Variants in NR6A1 observed in about 807,000 individuals in gnomAD.
The protein encoded by NR6A1 is retinoic acid receptor-related testis-associated receptor.
In NR6A1, 7 loss-of-function variants were observed where a neutral mutation model predicts 59.1. The ratio of observed to expected loss-of-function variants is 0.12; its 90% CI spans 0.07 to 0.22. The LOEUF (loss-of-function observed/expected upper bound fraction) is 0.22, where lower values mean the gene tolerates loss of function less well. Ranked by LOEUF, NR6A1 falls within the 10% of genes least tolerant of loss-of-function variation. The pLI is 1.00. For synonymous variants in NR6A1, 243 were observed against 236.1 expected, an observed-to-expected ratio of 1.03 and a Z score of -0.27; for missense variants, 468 against 611.6, an observed-to-expected ratio of 0.77 and a Z score of 2.48.
chr9:124,674,363 G>C (rs185226494), intron 2 of NR6A1, among the ~76,000 whole-genome samples: 2 of 152,100 alleles, frequency 1.3e-5, no homozygotes, highest in Non-Finnish European at 2.9e-5. Context: ...AGCAATTAAC[G>C]CTATGAAGCT....
At chr9:124,591,365 G>C (rs1406312881) in intron 2 of NR6A1, among the ~76,000 whole-genome samples, 1 of 152,110 alleles carries the variant, frequency 6.6e-6, no homozygotes, top group Non-Finnish European at 1.5e-5. Context: ...GAGGTTCATA[G>C]AGGTCAAGTG....
At chr9:124,553,296 C>T (rs1833828254) in intron 3 of NR6A1, among the ~76,000 whole-genome samples, 1 of 152,182 alleles carries the variant, frequency 6.6e-6, no homozygotes, top group Admixed American at 6.6e-5. Context: ...TCTAAGCTCT[C>T]TCTGTGGGTG....
intron 3 of NR6A1, among the ~76,000 whole-genome samples, chr9:124,544,686 A>G (rs1460698883): frequency 6.6e-6 from 1 of 152,194 alleles, no homozygotes; most frequent in Non-Finnish European, 1.5e-5. Flanking sequence ...GGAATTTCCA[A>G]GCGGCTTAAT....
chr9:124,568,790 G>A (rs963060137), intron 2 of NR6A1, among the ~76,000 whole-genome samples: 1 of 151,832 alleles, frequency 6.6e-6, no homozygotes, highest in African/African-American at 2.4e-5. Context: ...GGTGGGGGAA[G>A]AGAAGGATGG....
intron 2 of NR6A1, among the ~76,000 whole-genome samples, chr9:124,681,897 CA>C (rs1413377990): frequency 2.0e-5 from 3 of 152,108 alleles, no homozygotes; most frequent in Non-Finnish European, 4.4e-5. Flanking sequence ...GCAAGATAGA[CA>C]AATGAATTTT....
intron 1 of NR6A1, among the ~76,000 whole-genome samples, chr9:124,756,323 A>G (rs914398270): frequency 9.9e-5 from 15 of 152,196 alleles, no homozygotes; most frequent in Admixed American, 2.0e-4. Context: ...TTTCTTATTA[A>G]AGAGCATTAT....
At chr9:124,603,432 A>G (rs1835498657) in intron 2 of NR6A1, among the ~76,000 whole-genome samples, 1 of 152,084 alleles carries the variant, frequency 6.6e-6, no homozygotes, top group African/African-American at 2.4e-5. Context: ...TCTACTTCAG[A>G]GTCTCCCATG....
chr9:124,703,775 T>C (rs1839038170), intron 2 of NR6A1, among the ~76,000 whole-genome samples: 1 of 152,204 alleles, frequency 6.6e-6, no homozygotes, highest in Non-Finnish European at 1.5e-5. Flanking sequence ...CAAGTGTTCC[T>C]TCCTCTTCTG....
chr9:124,655,379 A>G (rs1015916780), intron 2 of NR6A1, among the ~76,000 whole-genome samples: 6 of 152,250 alleles, frequency 3.9e-5, no homozygotes, highest in African/African-American at 9.6e-5. Context: ...GAAGATAACA[A>G]TATGTATCTG....
At position 124,522,037 on chromosome 9, in the gene NR6A1, G is replaced by A. The variant is rs1302770839; in HGVS notation, c.*668C>T. Reference sequence around the variant, plus strand: ...GCCCTTAGGACTTGTTGGGTGGAAGGACACCTGCCTTAAATATGGTCACTG... The same window carrying A: ...GCCCTTAGGACTTGTTGGGTGGAAGAACACCTGCCTTAAATATGGTCACTG... On this transcript the variant is annotated 3_prime_UTR_variant, in exon 10 of 10. Coordinates refer to ENST00000487099, the MANE Select transcript of NR6A1 (RefSeq NM_033334.4). The A allele has an allele frequency of 6.6e-6, 1 of 152,186 alleles. No homozygotes were observed. Among genetic ancestry groups the A allele is most frequent in the African/African-American group, 2.4e-5 (1 of 41,392 alleles). The allele number at this position is 152,186 out of a possible 1,614,324, so 9.4% of individuals were successfully genotyped here.
chr9:124,593,441 G>C (rs901750482), intron 2 of NR6A1, among the ~76,000 whole-genome samples: 6 of 152,104 alleles, frequency 3.9e-5, no homozygotes, highest in African/African-American at 1.4e-4. Context: ...GCAGAGAGGG[G>C]GAGAGAGAGA....
intron 1 of NR6A1, among the ~76,000 whole-genome samples, chr9:124,760,115 C>T (rs539211913): frequency 3.6e-4 from 55 of 151,200 alleles, no homozygotes; most frequent in African/African-American, 7.3e-4. Flanking sequence ...AGTTCGAGAC[C>T]AGCCTGGCCA....
intron 2 of NR6A1, among the ~76,000 whole-genome samples, chr9:124,564,572 C>G (rs1440491097): frequency 6.6e-6 from 1 of 151,928 alleles, no homozygotes; most frequent in Admixed American, 6.6e-5. Context: ...CTAAGATAAG[C>G]TGAAGAAGGT....
chr9:124,631,131 T>C (rs975335887), intron 2 of NR6A1, among the ~76,000 whole-genome samples: 4 of 152,176 alleles, frequency 2.6e-5, no homozygotes, highest in Admixed American at 1.3e-4. Context: ...AAGTACTCAA[T>C]AGATGTTTGT....
At chr9:124,531,636 A>C (rs1833101087) in intron 7 of NR6A1, among the ~76,000 whole-genome samples, 1 of 152,138 alleles carries the variant, frequency 6.6e-6, no homozygotes, top group South Asian at 2.1e-4. Context: ...ATGACCTCCT[A>C]GGCAGTCCTA....
chr9:124,618,228 T>G (rs1835957027), intron 2 of NR6A1, among the ~76,000 whole-genome samples: 1 of 152,160 alleles, frequency 6.6e-6, no homozygotes, highest in Non-Finnish European at 1.5e-5. Context: ...ACACTTGTTA[T>G]CCCAGCACTT....
At chr9:124,526,694 G>A in intron 8 of NR6A1, 85 bp downstream of exon 8, 1 of 1,567,726 alleles carries the variant, frequency 6.4e-7, no homozygotes, top group Non-Finnish European at 8.7e-7. Flanking sequence ...AGTCCTGAGG[G>A]TAAGGAGGGG....
chr9:124,544,419 T>G (rs1477177494), intron 3 of NR6A1, among the ~76,000 whole-genome samples: 1 of 152,234 alleles, frequency 6.6e-6, no homozygotes, highest in African/African-American at 2.4e-5. Context: ...TAGTATCTCC[T>G]GACTAAGAAT....
At chr9:124,567,876 A>T (rs1174590800) in intron 2 of NR6A1, among the ~76,000 whole-genome samples, 6 of 138,198 alleles carry the variant, frequency 4.3e-5, no homozygotes, top group African/African-American at 1.6e-4. Context: ...AGTCATACGC[A>T]TTTAAAAAAG....
Sources: gnomAD v4.1 joint callset for allele counts (sites outside exome capture counted in the v4.1 genomes callset) on GRCh38, gnomAD v4.1.1 for gene constraint, MANE v1.5 for transcripts, NCBI Gene and HGNC (gene_info 2026-07-23, HGNC 2026-07-21) for gene names.